The following CACNA1D variants were observed in gnomAD, a reference collection of about 807,000 sequenced individuals.
CACNA1D encodes the protein calcium voltage-gated channel subunit alpha1 D.
A neutral mutation model predicts 257.1 loss-of-function variants in CACNA1D; 55 were observed. That is an observed-to-expected ratio of 0.21 (90% CI 0.17 to 0.27). The LOEUF (loss-of-function observed/expected upper bound fraction) is 0.27, where lower values mean the gene tolerates loss of function less well. Among genes scored for constraint, CACNA1D ranks in the 10% least tolerant of loss-of-function variants. The pLI is 1.00. For missense variants in CACNA1D, 1,876 were observed against 2,784.0 expected (o/e 0.67, Z 7.34); for synonymous variants, 980 against 1,014.9 (o/e 0.97, Z 0.65).
At chr3:53,516,570 A>C (rs1474476491) in intron 3 of CACNA1D, among the ~76,000 whole-genome samples, 1 of 152,230 alleles carries the variant, frequency 6.6e-6, no homozygotes, top group African/African-American at 2.4e-5. Flanking sequence ...TGAGGTCAGC[A>C]TTTTCAGCGG....
chr3:53,799,333 C>T (rs779449680), intron 40 of CACNA1D, among the ~76,000 whole-genome samples: 68 of 152,202 alleles, frequency 4.5e-4, no homozygotes, highest in Non-Finnish European at 3.1e-4. Context: ...CTCCATGCAC[C>T]ATGCATAAGC....
At chr3:53,677,428 A>G (rs536175846) in intron 8 of CACNA1D, among the ~76,000 whole-genome samples, 142 of 152,362 alleles carry the variant, frequency 9.3e-4, no homozygotes, top group African/African-American at 3.3e-3. Context: ...GTGGTTTTCA[A>G]TCAGCTAATG....
intron 19 of CACNA1D, among the ~76,000 whole-genome samples, chr3:53,734,782 T>TA (rs998884272): frequency 6.6e-6 from 1 of 151,990 alleles, no homozygotes; most frequent in African/African-American, 2.4e-5. Context: ...CTCCAAAATT[T>TA]AAAAAAATAA....
Position 53,723,728 on chromosome 3 carries a change from C to T in CACNA1D, c.1893-64C>T. On this transcript the variant is annotated intron_variant, in intron 13 of 47. Coordinates refer to ENST00000350061, the MANE Select transcript of CACNA1D (RefSeq NM_001128840.3). The surrounding 1 kb of genome is among the most constrained non-coding windows in gnomAD (Gnocchi z 5.6). ...GGCGGCAACCAGTCACATCCCCGGG[C>T]AGGTGATGTTCTGCTCTGTCCTGCA... The T allele has an allele frequency of 6.3e-7, 1 of 1,585,258 alleles. No homozygotes were observed. The highest frequency in any genetic ancestry group is 8.7e-7 in the Non-Finnish European group (1 of 1,153,706).
In CACNA1D at chr3:53,751,444, C is replaced by G. The variant is rs954795181; in HGVS notation, c.3517-305C>G. ...CCTGCTTGTGTATACACTGCAGGGCCTCAGGAAAGACAGCTAAAAGCTCTG... is the reference window on the plus strand; with the variant it reads ...CCTGCTTGTGTATACACTGCAGGGCGTCAGGAAAGACAGCTAAAAGCTCTG... On this transcript the variant is annotated intron_variant, in intron 27 of 47. Coordinates refer to ENST00000350061, the MANE Select transcript of CACNA1D (RefSeq NM_001128840.3). The surrounding 1 kb of genome is among the most constrained non-coding windows in gnomAD (Gnocchi z 4.3). Among the ~76,000 whole-genome samples, 10 of 152,180 alleles carry G rather than the reference C, an allele frequency of 6.6e-5. No homozygotes were observed. Among genetic ancestry groups the G allele is most frequent in the Admixed American group, 3.9e-4 (6 of 15,282 alleles).
chr3:53,575,247 G>T (rs1462593876), intron 3 of CACNA1D, among the ~76,000 whole-genome samples: 5 of 152,208 alleles, frequency 3.3e-5, no homozygotes, highest in African/African-American at 1.2e-4. Context: ...GAGGAAAAGA[G>T]AACCTTGCTC....
intron 3 of CACNA1D, among the ~76,000 whole-genome samples, chr3:53,569,886 A>G (rs999430425): frequency 1.3e-5 from 2 of 152,176 alleles, no homozygotes; most frequent in Admixed American, 6.5e-5. Context: ...TTGTAAAGTG[A>G]AAGATTTGGT....
chr3:53,655,035 T>C (rs1201653864), intron 4 of CACNA1D, among the ~76,000 whole-genome samples: 1 of 152,170 alleles, frequency 6.6e-6, no homozygotes, highest in African/African-American at 2.4e-5. Flanking sequence ...GTTCTCATCA[T>C]TTAGCTCCTA....
chr3:53,707,758 C>G lies in CACNA1D; in HGVS notation c.1390+4948C>G, dbSNP rs540187342. Among the ~76,000 whole-genome samples, 8 of 151,688 alleles carry G rather than the reference C, an allele frequency of 5.3e-5. No individual in the cohort carries two copies. In the South Asian group the frequency reaches 1.7e-3, roughly 32 times the overall value. On this transcript the variant is annotated intron_variant, in intron 9 of 47. Coordinates refer to ENST00000350061, the MANE Select transcript of CACNA1D (RefSeq NM_001128840.3). ...CATTAAAATCTGGAAGCCTAAAATT[C>G]TATTTTAAACTCTTCTCATTGTCAG...
At chr3:53,547,385 C>G (rs2092434401) in intron 3 of CACNA1D, among the ~76,000 whole-genome samples, 1 of 152,156 alleles carries the variant, frequency 6.6e-6, no homozygotes, top group African/African-American at 2.4e-5. Flanking sequence ...GGGAGACAGA[C>G]TTAAAAAAAT....
chr3:53,713,730 C>A (rs1253849861), intron 9 of CACNA1D, among the ~76,000 whole-genome samples: 1 of 152,168 alleles, frequency 6.6e-6, no homozygotes, highest in Non-Finnish European at 1.5e-5. Flanking sequence ...TGGCCCAGTG[C>A]AAGATCTTAA....
intron 3 of CACNA1D, among the ~76,000 whole-genome samples, chr3:53,633,427 C>T (rs2093845097): frequency 6.6e-6 from 1 of 151,282 alleles, no homozygotes. Flanking sequence ...TACACTCCAC[C>T]CTGGGGAACA....
intron 7 of CACNA1D, among the ~76,000 whole-genome samples, chr3:53,672,500 G>A (rs2108406636): frequency 6.6e-6 from 1 of 152,298 alleles, no homozygotes; most frequent in Admixed American, 6.5e-5. Context: ...TTTTTAAAAA[G>A]AGTTTATAGA....
At chr3:53,670,698 TG>T (rs1328301091) in intron 7 of CACNA1D, among the ~76,000 whole-genome samples, 1 of 152,228 alleles carries the variant, frequency 6.6e-6, no homozygotes, top group African/African-American at 2.4e-5. Context: ...AATTATTTCC[TG>T]GGCACCAGAT....
intron 21 of CACNA1D, among the ~76,000 whole-genome samples, chr3:53,740,842 T>A (rs2095110333): frequency 1.3e-5 from 2 of 152,252 alleles, no homozygotes; most frequent in Non-Finnish European, 2.9e-5. Context: ...GAAAAGCATT[T>A]ATCCTATGAA....
chr3:53,498,410 TG>T (rs767314294), intron 2 of CACNA1D, among the ~76,000 whole-genome samples: 2 of 152,234 alleles, frequency 1.3e-5, no homozygotes, highest in Non-Finnish European at 1.5e-5. Context: ...CTCCAGTTAC[TG>T]CCACTCTTCA....
At chr3:53,517,378 A>G (rs1196352430) in intron 3 of CACNA1D, among the ~76,000 whole-genome samples, 2 of 152,178 alleles carry the variant, frequency 1.3e-5, no homozygotes, top group African/African-American at 2.4e-5. Context: ...GGAAGGTGGT[A>G]GAGAGGGACT....
At chr3:53,763,200 G>A (rs1265185582) in intron 30 of CACNA1D, among the ~76,000 whole-genome samples, 3 of 152,220 alleles carry the variant, frequency 2.0e-5, no homozygotes, top group Non-Finnish European at 2.9e-5. Flanking sequence ...AGGCTGCTTG[G>A]GGCCAGGGAA....
intron 37 of CACNA1D, among the ~76,000 whole-genome samples, chr3:53,778,691 G>A (rs751384793): frequency 6.6e-6 from 1 of 152,186 alleles, no homozygotes; most frequent in Admixed American, 6.5e-5. Flanking sequence ...TTTACAGGTT[G>A]AAGTGACTGG....
Sources: gnomAD v4.1 joint callset for allele counts (sites outside exome capture counted in the v4.1 genomes callset) on GRCh38, gnomAD v4.1.1 for gene constraint, Gnocchi (gnomAD v3.1) non-coding constraint, MANE v1.5 for transcripts, NCBI Gene and HGNC (gene_info 2026-07-23, HGNC 2026-07-21) for gene names.